The following AGBL1 variants were observed in gnomAD, a reference collection of about 807,000 sequenced individuals.
The protein encoded by AGBL1 is cytosolic carboxypeptidase 4.
A neutral mutation model predicts 118.9 loss-of-function variants in AGBL1; 130 were observed. That is an observed-to-expected ratio of 1.09 (90% confidence interval 0.95 to 1.26). The LOEUF (loss-of-function observed/expected upper bound fraction) is 1.26, where lower values mean the gene tolerates loss of function less well. AGBL1 is among the 50% of genes most tolerant of loss of function. AGBL1 has a pLI of 0.00. For missense variants in AGBL1, 1,584 were observed against 1,298.1 expected (o/e 1.22, Z -3.38); for synonymous variants, 555 against 478.9 (o/e 1.16, Z -2.08).
At chr15:86,632,529 C>T (rs888703193) in intron 21 of AGBL1, among the ~76,000 whole-genome samples, 4 of 152,146 alleles carry the variant, frequency 2.6e-5, no homozygotes, top group African/African-American at 9.7e-5. Flanking sequence ...GACCACTCTA[C>T]TATTCAGGTT....
At chr15:86,110,639 C>T (rs1001636772) in intron 1 of AGBL1, among the ~76,000 whole-genome samples, 1 of 151,968 alleles carries the variant, frequency 6.6e-6, no homozygotes, top group African/African-American at 2.4e-5. Context: ...TAGAATTGGG[C>T]CACCAGTTTG....
chr15:86,195,910 G>T (rs1165946422), intron 5 of AGBL1, among the ~76,000 whole-genome samples: 1 of 152,132 alleles, frequency 6.6e-6, no homozygotes, highest in Non-Finnish European at 1.5e-5. Context: ...TGCCGTGGGG[G>T]CGTCTTTCAA....
intron 18 of AGBL1, among the ~76,000 whole-genome samples, chr15:86,511,575 T>A (rs190722543): frequency 2.3e-4 from 35 of 152,172 alleles, no homozygotes; most frequent in African/African-American, 8.2e-4. Flanking sequence ...TTACTTAACA[T>A]CTGTAAATCT....
At chr15:86,537,881 G>A (rs1030407405) in intron 19 of AGBL1, among the ~76,000 whole-genome samples, 3 of 152,116 alleles carry the variant, frequency 2.0e-5, no homozygotes, top group African/African-American at 7.2e-5. Flanking sequence ...CACATATCTG[G>A]CATTCAAATA....
chr15:86,433,266 C>CTTT (rs59417397), intron 18 of AGBL1, among the ~76,000 whole-genome samples: 771 of 74,772 alleles, frequency 0.01, 160 homozygotes, highest in African/African-American at 0.036. Context: ...CCTCCTTCTT[C>CTTT]TTTTTTTTTT....
intron 21 of AGBL1, among the ~76,000 whole-genome samples, chr15:86,585,319 A>G (rs2084229503): frequency 6.6e-6 from 1 of 152,116 alleles, no homozygotes; most frequent in Non-Finnish European, 1.5e-5. Flanking sequence ...ATAAGAGTAA[A>G]AAAGGAGCGA....
intron 6 of AGBL1, among the ~76,000 whole-genome samples, chr15:86,228,141 G>A (rs1445830312): frequency 6.6e-6 from 1 of 152,158 alleles, no homozygotes; most frequent in Non-Finnish European, 1.5e-5. Context: ...AAGTGTTGTG[G>A]AATTTTCTAT....
intron 23 of AGBL1, among the ~76,000 whole-genome samples, chr15:86,969,743 G>T (rs956188576): frequency 1.3e-5 from 2 of 151,966 alleles, no homozygotes; most frequent in African/African-American, 4.8e-5. Context: ...TATGTCATCA[G>T]GGTGGAAGTG....
chr15:87,015,263 G>T (rs544654925), intron 24 of AGBL1, among the ~76,000 whole-genome samples: 7 of 152,142 alleles, frequency 4.6e-5, no homozygotes, highest in African/African-American at 1.7e-4. Flanking sequence ...CCTGCTACTG[G>T]CTTCTCTGGT....
intron 22 of AGBL1, among the ~76,000 whole-genome samples, chr15:86,700,092 T>C (rs1305578833): frequency 6.6e-6 from 1 of 151,998 alleles, no homozygotes; most frequent in African/African-American, 2.4e-5. Flanking sequence ...ATCTATGGAT[T>C]CAAGGATTAC....
At chr15:86,226,501 C>T (rs2078366133) in intron 6 of AGBL1, among the ~76,000 whole-genome samples, 1 of 152,190 alleles carries the variant, frequency 6.6e-6, no homozygotes, top group Non-Finnish European at 1.5e-5. Context: ...TTCCTTAGCT[C>T]TTGAGCTTAC....
At chr15:86,734,000 T>C (rs189276585) in intron 22 of AGBL1, among the ~76,000 whole-genome samples, 2 of 152,180 alleles carry the variant, frequency 1.3e-5, no homozygotes, top group African/African-American at 4.8e-5. Flanking sequence ...TGACCCCTTA[T>C]ACAGGTTAAA....
intron 17 of AGBL1, among the ~76,000 whole-genome samples, chr15:86,346,645 G>A (rs1228808603): frequency 1.3e-5 from 2 of 152,098 alleles, no homozygotes; most frequent in Non-Finnish European, 2.9e-5. Flanking sequence ...CACCACGCCC[G>A]GCCAAGCTCA....
intron 23 of AGBL1, among the ~76,000 whole-genome samples, chr15:86,950,867 A>G (rs192573482): frequency 5.2e-4 from 79 of 152,264 alleles, no homozygotes; most frequent in African/African-American, 1.9e-3. Flanking sequence ...AAAAATAACA[A>G]TGCAAAAACA....
At chr15:86,413,641 T>TTAGG (rs746826669) in intron 18 of AGBL1, among the ~76,000 whole-genome samples, 40 of 152,288 alleles carry the variant, frequency 2.6e-4, no homozygotes, top group Admixed American at 5.2e-4. Context: ...TGGGTATTTT[T>TTAGG]TAGGTGCTTG....
intron 1 of AGBL1, among the ~76,000 whole-genome samples, chr15:86,129,336 A>G (rs1322984966): frequency 6.6e-6 from 1 of 152,190 alleles, no homozygotes; most frequent in Non-Finnish European, 1.5e-5. Flanking sequence ...AGAAAAATCT[A>G]GTCCTGGCTT....
chr15:86,861,732 T>C (rs2079561205), intron 22 of AGBL1, among the ~76,000 whole-genome samples: 1 of 152,222 alleles, frequency 6.6e-6, no homozygotes, highest in African/African-American at 2.4e-5. Context: ...GCCTCATCAA[T>C]GTCCTCAGTA....
chr15:86,217,816 G>A (rs1240353750), intron 5 of AGBL1, among the ~76,000 whole-genome samples: 1 of 150,816 alleles, frequency 6.6e-6, no homozygotes, highest in Non-Finnish European at 1.5e-5. Flanking sequence ...GATTCAGTAG[G>A]GCCTCCTGGT....
In AGBL1 at chr15:86,553,327, A is replaced by G. The variant is rs555775442; in HGVS notation, c.2818-1034A>G. 7.2e-5 allele frequency among the ~76,000 whole-genome samples: 11 copies of G among 152,316 alleles called. No homozygotes were observed. In the South Asian group the frequency reaches 2.1e-3, roughly 29 times the overall value. ...TCATTGTCCTCTGGGGAGGAGGTCT[A>G]GTGGCTGGAAGATCCCTTTCTGTCA... On this transcript the variant is annotated intron_variant, in intron 20 of 22. Transcript: ENST00000614907.
Sources: gnomAD v4.1 joint callset for allele counts (sites outside exome capture counted in the v4.1 genomes callset) on GRCh38, gnomAD v4.1.1 for gene constraint, MANE v1.5 for transcripts, NCBI Gene and HGNC (gene_info 2026-07-23, HGNC 2026-07-21) for gene names.